Variants in EFCAB6 observed in about 807,000 individuals in gnomAD.
EFCAB6 encodes the protein EF-hand calcium-binding domain-containing protein 6.
EFCAB6 carries 156 observed loss-of-function variants against 169.8 expected under a neutral mutation model. The observed-to-expected ratio is 0.92, with a 90% confidence interval of 0.81 to 1.05. EFCAB6 has a LOEUF of 1.05. Among genes scored for constraint, EFCAB6 ranks in the 50% least tolerant of loss-of-function variants. The probability of loss-of-function intolerance (pLI) is 0.00; values close to 1 mark genes in which losing one functional copy is unlikely to be tolerated. For synonymous variants in EFCAB6, 698 were observed against 676.4 expected, an observed-to-expected ratio of 1.03 and a Z score of -0.50; for missense variants, 1,800 against 1,829.1, an observed-to-expected ratio of 0.98 and a Z score of 0.29.
chr22:43,686,939 T>C (rs1470100766), intron 11 of EFCAB6, among the ~76,000 whole-genome samples: 1 of 152,098 alleles, frequency 6.6e-6, no homozygotes, highest in Admixed American at 6.6e-5. Context: ...CACAAGATAT[T>C]TGGTATTGCA....
intron 6 of EFCAB6, among the ~76,000 whole-genome samples, chr22:43,742,317 C>G (rs1180189342): frequency 6.6e-6 from 1 of 152,210 alleles, no homozygotes; most frequent in Non-Finnish European, 1.5e-5. Flanking sequence ...CACGCCCACT[C>G]ATTTACATAT....
intron 28 of EFCAB6, among the ~76,000 whole-genome samples, chr22:43,538,336 C>T (rs907090169): frequency 1.3e-5 from 2 of 152,144 alleles, no homozygotes; most frequent in African/African-American, 4.8e-5. Context: ...ATCGCCTCTG[C>T]TAGACCTCCT....
chr22:43,751,641 C>T (rs1569469327), intron 6 of EFCAB6, among the ~76,000 whole-genome samples: 1 of 152,154 alleles, frequency 6.6e-6, no homozygotes. Context: ...CTCCCAAATG[C>T]CCACTTGAAG....
At chr22:43,556,492 G>A (rs2048715609) in intron 26 of EFCAB6, among the ~76,000 whole-genome samples, 1 of 152,150 alleles carries the variant, frequency 6.6e-6, no homozygotes, top group Admixed American at 6.5e-5. Context: ...CCATGGCTGT[G>A]AGCTTTGATA....
At chr22:43,602,170 C>T (rs2052570862) in intron 22 of EFCAB6, among the ~76,000 whole-genome samples, 1 of 152,246 alleles carries the variant, frequency 6.6e-6, no homozygotes, top group Non-Finnish European at 1.5e-5. Flanking sequence ...AGTGCCCCGC[C>T]CAGCTCCTGC....
chr22:43,743,541 T>C (rs1174287174), intron 6 of EFCAB6, among the ~76,000 whole-genome samples: 2 of 152,206 alleles, frequency 1.3e-5, no homozygotes, highest in Admixed American at 1.3e-4. Flanking sequence ...TATAGGTGTG[T>C]GGTGTGTGCT....
chr22:43,610,370 C>T (rs1183399443), intron 21 of EFCAB6, among the ~76,000 whole-genome samples: 3 of 152,130 alleles, frequency 2.0e-5, no homozygotes, highest in Admixed American at 1.3e-4. Context: ...CTTAAAGTCT[C>T]GAGCAAGCAC....
intron 10 of EFCAB6, among the ~76,000 whole-genome samples, chr22:43,710,367 G>A (rs1200418729): frequency 6.6e-6 from 1 of 152,150 alleles, no homozygotes; most frequent in East Asian, 1.9e-4. Flanking sequence ...GGAACAAATT[G>A]AGTATCAATA....
At chr22:43,581,668 C>T (rs1476136344) in intron 24 of EFCAB6, among the ~76,000 whole-genome samples, 1 of 152,202 alleles carries the variant, frequency 6.6e-6, no homozygotes, top group Non-Finnish European at 1.5e-5. Flanking sequence ...CAAGTGTCAA[C>T]GTAGAAGAGC....
At chr22:43,546,772 C>T (rs2048080893) in intron 27 of EFCAB6, among the ~76,000 whole-genome samples, 1 of 151,398 alleles carries the variant, frequency 6.6e-6, no homozygotes, top group South Asian at 2.1e-4. Context: ...ATTCGGGAGG[C>T]TGAGGCAAGA....
Position 43,590,236 on chromosome 22 carries a change from G to A in EFCAB6, c.2877-7C>T. 1 of 1,612,622 alleles carries A rather than the reference G, an allele frequency of 6.2e-7. No individual in the cohort carries two copies. Among genetic ancestry groups the A allele is most frequent in the Non-Finnish European group, 8.5e-7 (1 of 1,179,402 alleles). Reference sequence around the variant, plus strand: ...GCGGTCCATAAGCTTATCCCTGAAAGAGAGTACATTGCAGACATACCCTAA... The same window carrying A: ...GCGGTCCATAAGCTTATCCCTGAAAAAGAGTACATTGCAGACATACCCTAA... On this transcript the variant is annotated splice_region_variant and splice_polypyrimidine_tract_variant and intron_variant, in intron 23 of 31. Transcript: ENST00000262726.
chr22:43,807,099 T>C (rs1453103118), intron 2 of EFCAB6, among the ~76,000 whole-genome samples: 13 of 152,218 alleles, frequency 8.5e-5, no homozygotes, highest in Admixed American at 6.5e-4. Flanking sequence ...CTTACCTTTT[T>C]ACACTCAACA....
chr22:43,670,288 A>G (rs192338687), intron 15 of EFCAB6, among the ~76,000 whole-genome samples: 2 of 152,354 alleles, frequency 1.3e-5, no homozygotes, highest in East Asian at 3.9e-4. Flanking sequence ...GACATACTCC[A>G]TATGAGAAAC....
chr22:43,706,790 T>C (rs975993202), intron 10 of EFCAB6, among the ~76,000 whole-genome samples: 3 of 152,306 alleles, frequency 2.0e-5, no homozygotes, highest in South Asian at 4.1e-4. Flanking sequence ...CAAAGGTTCA[T>C]CTCAGTTGTT....
At chr22:43,726,277 A>AAAAAAAAAAAAAAAAAAAAAAAAAACAC (rs2059733317) in intron 8 of EFCAB6, among the ~76,000 whole-genome samples, 1 of 28,358 alleles carries the variant, frequency 3.5e-5, no homozygotes, top group Non-Finnish European at 7.2e-5. Flanking sequence ...AAAATTCACC[A>AAAAAAAAAAAAAAAAAAAAAAAAAACAC]AAAAAAAAAA....
At position 43,626,461 on chromosome 22, in the gene EFCAB6, A is replaced by G. The variant is rs2054531336; in HGVS notation, c.2451T>C (p.Pro817=). 1.9e-6 allele frequency: 3 copies of G among 1,614,162 alleles called. No homozygotes were observed. The highest frequency in any genetic ancestry group is 1.7e-5 in the Admixed American group (1 of 60,016). The part of the protein sequence containing the change: ...EKRPWRTDEA[P]QRLIRPKQKV... ...TGCCTTCTTACCTAATGAGTCTTTG[A>G]GGCGCTTCATCTGTTCTCCATGGTC... Residue 817 remains proline, a synonymous_variant, in exon 20 of 32, where the codon CCT becomes CCC. Transcript: ENST00000262726.
intron 24 of EFCAB6, among the ~76,000 whole-genome samples, chr22:43,584,639 G>A (rs2050940439): frequency 1.3e-5 from 2 of 152,026 alleles, no homozygotes; most frequent in Non-Finnish European, 2.9e-5. Flanking sequence ...TTAGGGGAAG[G>A]GCAATCAGCC....
At chr22:43,765,522 A>C in intron 4 of EFCAB6, 129 bp from the exon 5 acceptor site, 1 of 618,788 alleles carries the variant, frequency 1.6e-6, no homozygotes, top group Non-Finnish European at 2.9e-6. Context: ...CGAGCATTCC[A>C]TTAAACATTT....
rs749614996 is a variant in EFCAB6, at chr22:43,626,697, A to G, written c.2233-18T>C. On this transcript the variant is annotated intron_variant, in intron 19 of 31. Coordinates refer to ENST00000262726, the MANE Select transcript of EFCAB6 (RefSeq NM_022785.4). ...TAGGGGTCCTAAAAACAAAACACAC[A>G]CGTCAAAGCCCTTCCCCAAGAGCCC... 1.2e-6 allele frequency: 2 copies of G among 1,612,788 alleles called. No homozygotes were observed. The highest frequency in any genetic ancestry group is 2.2e-5 in the South Asian group (2 of 91,040).
Sources: allele counts gnomAD v4.1 joint callset (sites outside exome capture counted in the v4.1 genomes callset), GRCh38; gene constraint gnomAD v4.1.1; transcripts MANE v1.5; gene names NCBI Gene and HGNC (gene_info 2026-07-23, HGNC 2026-07-21).